The following CTNND2 variants were observed in gnomAD, a reference collection of about 807,000 sequenced individuals.
CTNND2 encodes the protein catenin delta-2.
CTNND2 carries 22 observed loss-of-function variants against 144.4 expected under a neutral mutation model. That is an observed-to-expected ratio of 0.15 (90% CI 0.11 to 0.22). The LOEUF is 0.22. Ranked by LOEUF, CTNND2 falls within the 10% of genes least tolerant of loss-of-function variation. The pLI, the probability that CTNND2 is intolerant of heterozygous loss-of-function variation, is 1.00. For synonymous variants in CTNND2, 751 were observed against 695.6 expected (o/e 1.08, Z -1.25); for missense variants, 1,353 against 1,618.8 (o/e 0.84, Z 2.82).
intron 2 of CTNND2, among the ~76,000 whole-genome samples, chr5:11,688,383 CCCAAA>C (rs1158399562): frequency 6.6e-6 from 1 of 151,828 alleles, no homozygotes; most frequent in Non-Finnish European, 1.5e-5. Context: ...TTGAGAAGAC[CCCAAA>C]AAAGTGTCTG....
chr5:11,469,505 T>A (rs1018339325), intron 3 of CTNND2, among the ~76,000 whole-genome samples: 11 of 152,162 alleles, frequency 7.2e-5, no homozygotes, highest in African/African-American at 2.7e-4. Flanking sequence ...GAAACCTGGA[T>A]GCACGTTCAG....
intron 3 of CTNND2, among the ~76,000 whole-genome samples, chr5:11,535,928 C>T (rs1234641584): frequency 6.6e-6 from 1 of 152,206 alleles, no homozygotes; most frequent in African/African-American, 2.4e-5. Flanking sequence ...CTTTCCTCAT[C>T]TGTAAAACAT....
chr5:11,674,640 G>A (rs1784073452), intron 2 of CTNND2, among the ~76,000 whole-genome samples: 1 of 152,192 alleles, frequency 6.6e-6, no homozygotes, highest in African/African-American at 2.4e-5. Context: ...AATTTCTGTA[G>A]CGTTAGAGTT....
chr5:11,088,811 T>C (rs1396093642), intron 15 of CTNND2, among the ~76,000 whole-genome samples: 1 of 152,208 alleles, frequency 6.6e-6, no homozygotes, highest in Non-Finnish European at 1.5e-5. Context: ...CTAGTATAAA[T>C]CTAATATATT....
intron 3 of CTNND2, among the ~76,000 whole-genome samples, chr5:11,447,759 A>G (rs2149906136): frequency 6.6e-6 from 1 of 152,204 alleles, no homozygotes; most frequent in Admixed American, 6.5e-5. Flanking sequence ...TATTTCAACA[A>G]CTCAAGTGGT....
At chr5:11,508,793 C>G (rs957823453) in intron 3 of CTNND2, among the ~76,000 whole-genome samples, 1 of 152,064 alleles carries the variant, frequency 6.6e-6, no homozygotes, top group Non-Finnish European at 1.5e-5. Context: ...TGCCTGTAAT[C>G]CCAGCTACTT....
rs371080638 is a variant in CTNND2 at position 11,836,981 on chromosome 5, A to G, written c.37+66836T>C. Among the ~76,000 whole-genome samples the G allele has an allele frequency of 3.3e-5, 5 of 152,324 alleles. No homozygotes were observed. In the East Asian group the frequency reaches 9.6e-4, roughly 29 times the overall value. ...GTCAGCAGCAGTAAAGGGAATTGCC[A>G]TAGAGCCTAACTATTAGGATATGAG... is the stretch of plus-strand genomic sequence containing the variant. On this transcript the variant is annotated intron_variant, in intron 1 of 21. Transcript: ENST00000304623.
intron 1 of CTNND2, among the ~76,000 whole-genome samples, chr5:11,838,910 A>G (rs1794314569): frequency 6.6e-6 from 1 of 152,224 alleles, no homozygotes; most frequent in Admixed American, 6.5e-5. Context: ...GACATCAAGA[A>G]AAGAAAATTA....
At chr5:11,121,603 A>G (rs1165404560) in intron 12 of CTNND2, among the ~76,000 whole-genome samples, 1 of 151,272 alleles carries the variant, frequency 6.6e-6, no homozygotes, top group Non-Finnish European at 1.5e-5. Flanking sequence ...TGTCTTCCAA[A>G]TTAAAAGACC....
intron 18 of CTNND2, among the ~76,000 whole-genome samples, chr5:11,002,037 C>A (rs948905041): frequency 2.0e-5 from 3 of 152,226 alleles, no homozygotes; most frequent in African/African-American, 7.2e-5. Context: ...ATGGCAAATG[C>A]ATTCAGTTCC....
chr5:11,776,658 G>A (rs3925013), intron 1 of CTNND2, among the ~76,000 whole-genome samples: 14,507 of 152,016 alleles, frequency 0.095, 1,876 homozygotes, highest in African/African-American at 0.29. Flanking sequence ...GCTGATAAGC[G>A]ACTGATCAGG....
At chr5:11,065,008 T>C (rs191863140) in intron 16 of CTNND2, among the ~76,000 whole-genome samples, 97 of 152,362 alleles carry the variant, frequency 6.4e-4, no homozygotes, top group Non-Finnish European at 1.2e-3. Context: ...TTCTTGTTAC[T>C]GCTAGTTATT....
intron 16 of CTNND2, 61 bp downstream of exon 16, chr5:11,082,635 T>A: frequency 6.3e-7 from 1 of 1,583,046 alleles, no homozygotes. Context: ...CAACCACACC[T>A]ACCCCTAGAG....
chr5:11,481,145 T>C (rs1040325394), intron 3 of CTNND2, among the ~76,000 whole-genome samples: 3 of 152,132 alleles, frequency 2.0e-5, no homozygotes, highest in African/African-American at 7.2e-5. Context: ...GTAAGTGACA[T>C]AATAACAAAA....
At chr5:11,773,514 TA>T (rs966202739) in intron 1 of CTNND2, among the ~76,000 whole-genome samples, 1 of 152,172 alleles carries the variant, frequency 6.6e-6, no homozygotes, top group East Asian at 1.9e-4. Context: ...AAGGACTTAG[TA>T]AAAAAGCATG....
intron 2 of CTNND2, among the ~76,000 whole-genome samples, chr5:11,641,732 GTATA>G (rs1367311943): frequency 2.9e-5 from 1 of 34,452 alleles, no homozygotes; most frequent in East Asian, 2.9e-4. Flanking sequence ...ATACGTGTGT[GTATA>G]TACATATACG....
chr5:11,807,844 T>G (rs1179045581), intron 1 of CTNND2, among the ~76,000 whole-genome samples: 1 of 152,196 alleles, frequency 6.6e-6, no homozygotes, highest in Non-Finnish European at 1.5e-5. Flanking sequence ...CAGCCATCTA[T>G]TAAAACTGCT....
At chr5:11,611,920 CTG>C (rs1232551553) in intron 2 of CTNND2, among the ~76,000 whole-genome samples, 3 of 152,198 alleles carry the variant, frequency 2.0e-5, no homozygotes, top group Admixed American at 6.5e-5. Flanking sequence ...CCTCCAGACT[CTG>C]AGCTCTTTGA....
At chr5:11,726,709 C>T (rs1167821016) in intron 2 of CTNND2, among the ~76,000 whole-genome samples, 1 of 152,138 alleles carries the variant, frequency 6.6e-6, no homozygotes, top group Non-Finnish European at 1.5e-5. Context: ...ATACTAAAGG[C>T]TTATTTTCTA....
Sources: allele counts gnomAD v4.1 joint callset (sites outside exome capture counted in the v4.1 genomes callset), GRCh38; gene constraint gnomAD v4.1.1; transcripts MANE v1.5; gene names NCBI Gene and HGNC (gene_info 2026-07-23, HGNC 2026-07-21).